The following TENM3 variants were observed in gnomAD, a reference collection of about 807,000 sequenced individuals.
TENM3 encodes the protein teneurin-3.
A neutral mutation model predicts 255.1 loss-of-function variants in TENM3; 63 were observed. That is an observed-to-expected ratio of 0.25 (90% CI 0.20 to 0.30). The LOEUF (loss-of-function observed/expected upper bound fraction) is 0.30, where lower values mean the gene tolerates loss of function less well. Ranked by LOEUF, TENM3 falls within the 10% of genes least tolerant of loss-of-function variation. The pLI is 1.00. For missense variants in TENM3, 2,929 were observed against 3,461.1 expected, an observed-to-expected ratio of 0.85 and a Z score of 3.86; for synonymous variants, 1,306 against 1,322.3, an observed-to-expected ratio of 0.99 and a Z score of 0.27.
the TENM3 span, among the ~76,000 whole-genome samples, chr4:181,853,689 A>G: frequency 1.3e-5 from 2 of 152,236 alleles, 1 homozygote. Flanking sequence ...GACTATACAC[A>G]TGCTGAAGAA....
In TENM3 at chr4:182,550,824, G is replaced by A. The variant is rs543842724; in HGVS notation, c.512-50100G>A. On this transcript the variant is annotated intron_variant, in intron 3 of 27. Coordinates refer to ENST00000511685, the MANE Select transcript of TENM3 (RefSeq NM_001080477.4). ...GTTGAATGAAAACATATCCTGAGGC[G>A]TTGGGATTGGGAAGGAAAGATGTTA... Among the ~76,000 whole-genome samples the A allele has an allele frequency of 6.9e-4, 105 of 152,236 alleles. No individual in the cohort carries two copies. In the South Asian group the frequency reaches 7.9e-3, roughly 11 times the overall value.
chr4:181,754,739 CTACAG>C, the TENM3 span, among the ~76,000 whole-genome samples: 2 of 152,154 alleles, frequency 1.3e-5, no homozygotes, highest in African/African-American at 4.8e-5. Context: ...GCAAACGCAA[CTACAG>C]TCATGACTCT....
At chr4:181,518,835 G>A in the TENM3 span, among the ~76,000 whole-genome samples, 898 of 152,192 alleles carry the variant, frequency 5.9e-3, 8 homozygotes, top group African/African-American at 0.02. Context: ...AGAGTTCTGT[G>A]GATCCAGCCA....
At chr4:182,410,792 T>C (rs886108630) in intron 3 of TENM3, among the ~76,000 whole-genome samples, 2 of 152,174 alleles carry the variant, frequency 1.3e-5, no homozygotes, top group African/African-American at 4.8e-5. Context: ...TATTTGGATA[T>C]GAGCCTCACC....
At chr4:181,571,941 A>G in the TENM3 span, among the ~76,000 whole-genome samples, 17 of 152,162 alleles carry the variant, frequency 1.1e-4, no homozygotes, top group African/African-American at 4.1e-4. Context: ...GAATATATGT[A>G]TATATTTCAC....
chr4:181,887,997 A>G, the TENM3 span, among the ~76,000 whole-genome samples: 3 of 152,086 alleles, frequency 2.0e-5, no homozygotes, highest in Non-Finnish European at 4.4e-5. Flanking sequence ...ATGAGGCTCA[A>G]TTTTATTCTA....
the TENM3 span, among the ~76,000 whole-genome samples, chr4:181,615,576 T>C: frequency 6.6e-6 from 1 of 152,162 alleles, no homozygotes; most frequent in African/African-American, 2.4e-5. Context: ...AAAACCAAAA[T>C]TGAATGGGTA....
At chr4:182,534,850 T>A (rs1174003241) in intron 3 of TENM3, among the ~76,000 whole-genome samples, 1 of 152,352 alleles carries the variant, frequency 6.6e-6, no homozygotes, top group Non-Finnish European at 1.5e-5. Context: ...ACTGGATTAA[T>A]TGAAAATGAG....
the TENM3 span, among the ~76,000 whole-genome samples, chr4:181,514,709 AAAC>A: frequency 6.6e-6 from 1 of 152,214 alleles, no homozygotes; most frequent in Non-Finnish European, 1.5e-5. Context: ...TCTAAGAAAA[AAAC>A]AAAACCATCT....
chr4:182,370,960 T>C (rs1451116357), intron 3 of TENM3, among the ~76,000 whole-genome samples: 1 of 152,156 alleles, frequency 6.6e-6, no homozygotes, highest in African/African-American at 2.4e-5. Flanking sequence ...CCTGTGTTTG[T>C]GTTTAATTAA....
In TENM3 at chr4:182,789,320, C is replaced by T. The variant is rs1176219765; in HGVS notation, c.5532C>T (p.Asp1844=). ...RGTTSEKVDY[D]GQGRIVSRVF... ...CCACTAGCGAGAAAGTAGATTATGACGGACAGGGGAGGATCGTGTCTCGGG... is the reference window on the plus strand; with the variant it reads ...CCACTAGCGAGAAAGTAGATTATGATGGACAGGGGAGGATCGTGTCTCGGG... The change falls in exon 25 of 28, where the codon GAC becomes GAT. Residue 1844 remains aspartate (D), a synonymous_variant. Transcript: ENST00000511685. This position sits in a 1 kb window ranked among gnomAD's most constrained non-coding sequence, Gnocchi z 4.4. 1.7e-5 allele frequency: 27 copies of T among 1,613,756 alleles called. No individual in the cohort carries two copies. Among genetic ancestry groups the T allele is most frequent in the Non-Finnish European group, 1.9e-5 (22 of 1,179,832 alleles).
At chr4:181,508,457 C>G in the TENM3 span, among the ~76,000 whole-genome samples, 4 of 152,106 alleles carry the variant, frequency 2.6e-5, no homozygotes, top group African/African-American at 4.8e-5. Context: ...GGGTATGATG[C>G]CTTACAAGCA....
chr4:182,683,436 T>C (rs1756325165), intron 11 of TENM3, among the ~76,000 whole-genome samples: 1 of 152,190 alleles, frequency 6.6e-6, no homozygotes, highest in East Asian at 1.9e-4. Flanking sequence ...AGATTTTGTA[T>C]TTTCAGATTA....
At chr4:182,213,894 T>C (rs2597112) in intron 1 of TENM3, among the ~76,000 whole-genome samples, 52,777 of 151,470 alleles carry the variant, frequency 0.35, 10,354 homozygotes, top group African/African-American at 0.51. Flanking sequence ...CTCTGCCTCC[T>C]GGGTTCACGC....
At chr4:181,474,096 G>A in the TENM3 span, among the ~76,000 whole-genome samples, 1 of 151,950 alleles carries the variant, frequency 6.6e-6, no homozygotes, top group African/African-American at 2.4e-5. Flanking sequence ...TCACTCATAA[G>A]TGGGAGGTGA....
intron 12 of TENM3, among the ~76,000 whole-genome samples, chr4:182,689,506 C>T (rs1400005694): frequency 2.6e-5 from 4 of 152,184 alleles, no homozygotes; most frequent in African/African-American, 7.2e-5. Flanking sequence ...CACGCCCCCA[C>T]GCTGGTGATC....
chr4:181,855,274 T>C, the TENM3 span, among the ~76,000 whole-genome samples: 5 of 152,238 alleles, frequency 3.3e-5, no homozygotes, highest in African/African-American at 1.2e-4. Context: ...AATTTTATAG[T>C]TCTACTTTCA....
intron 12 of TENM3, among the ~76,000 whole-genome samples, chr4:182,710,884 G>A (rs574261564): frequency 6.6e-6 from 1 of 152,164 alleles, no homozygotes; most frequent in Admixed American, 6.5e-5. Context: ...TGAAACAAGT[G>A]GACAGGGGCA....
At chr4:182,241,697 A>G (rs184235373), upstream of TENM3, among the ~76,000 whole-genome samples, 309 of 143,468 alleles carry the variant, frequency 2.2e-3, 3 homozygotes, top group South Asian at 0.012. Context: ...TTTAGTAGAG[A>G]CGGGTTTTCC....
Sources: allele counts gnomAD v4.1 joint callset (sites outside exome capture counted in the v4.1 genomes callset), GRCh38; gene constraint gnomAD v4.1.1; non-coding constraint Gnocchi (gnomAD v3.1); transcripts MANE v1.5; gene names NCBI Gene and HGNC (gene_info 2026-07-23, HGNC 2026-07-21).